TRAPPC9: variants seen among roughly 807,000 people sequenced by gnomAD.
TRAPPC9 encodes trafficking protein particle complex subunit 9.
Under a neutral mutation model 124.0 loss-of-function variants are expected in TRAPPC9, and 83 were observed. That is an observed-to-expected ratio of 0.67 (90% CI 0.56 to 0.80). The LOEUF (loss-of-function observed/expected upper bound fraction) is 0.80, where lower values mean the gene tolerates loss of function less well. Among genes scored for constraint, TRAPPC9 ranks in the 30% least tolerant of loss-of-function variants. The pLI, the probability that TRAPPC9 is intolerant of heterozygous loss-of-function variation, is 0.00. For missense variants in TRAPPC9, 1,302 were observed against 1,508.3 expected (o/e 0.86, Z 2.27); for synonymous variants, 638 against 617.5 (o/e 1.03, Z -0.49).
chr8:140,294,117 T>G (rs1428836790), intron 11 of TRAPPC9, among the ~76,000 whole-genome samples: 1 of 151,922 alleles, frequency 6.6e-6, no homozygotes, highest in Non-Finnish European at 1.5e-5. Flanking sequence ...CGAACTCCAG[T>G]CTGTCTCCAA....
chr8:139,981,187 A>G (rs1043926023), intron 19 of TRAPPC9, among the ~76,000 whole-genome samples: 1 of 152,116 alleles, frequency 6.6e-6, no homozygotes, highest in Non-Finnish European at 1.5e-5. Context: ...GGAAAACTGT[A>G]AAAACTGCTC....
chr8:139,998,718 T>C (rs1838201964), intron 18 of TRAPPC9, among the ~76,000 whole-genome samples: 1 of 151,862 alleles, frequency 6.6e-6, no homozygotes, highest in Non-Finnish European at 1.5e-5. Flanking sequence ...CGAGACTCCG[T>C]CTCAAAAAAA....
chr8:140,017,013 T>A (rs1839511601), intron 18 of TRAPPC9, among the ~76,000 whole-genome samples: 1 of 152,314 alleles, frequency 6.6e-6, no homozygotes, highest in African/African-American at 2.4e-5. Context: ...CTAATTGGGG[T>A]TTTAATTCGC....
intron 19 of TRAPPC9, among the ~76,000 whole-genome samples, chr8:139,938,925 G>A (rs113509517): frequency 0.013 from 2,013 of 152,174 alleles, 46 homozygotes; most frequent in African/African-American, 0.046. Flanking sequence ...GATTACAGGC[G>A]TGAGCCACCG....
At chr8:140,091,540 C>A (rs1844566512) in intron 17 of TRAPPC9, among the ~76,000 whole-genome samples, 1 of 152,204 alleles carries the variant, frequency 6.6e-6, no homozygotes, top group Non-Finnish European at 1.5e-5. Context: ...CGCAATGTTA[C>A]TACCAAGGGT....
At chr8:140,178,854 T>C in intron 17 of TRAPPC9, among the ~76,000 whole-genome samples, 1 of 152,140 alleles carries the variant, frequency 6.6e-6, no homozygotes, top group East Asian at 1.9e-4. Flanking sequence ...ATGTGCATCT[T>C]TCAAAATATT....
intron 20 of TRAPPC9, among the ~76,000 whole-genome samples, chr8:139,903,575 C>G (rs1241235926): frequency 6.6e-6 from 1 of 152,178 alleles, no homozygotes; most frequent in Non-Finnish European, 1.5e-5. Context: ...CCCCTGCTTC[C>G]ACAGCAGACG....
chr8:140,065,200 T>C (rs769454517), intron 17 of TRAPPC9, among the ~76,000 whole-genome samples: 2 of 152,246 alleles, frequency 1.3e-5, no homozygotes, highest in Non-Finnish European at 2.9e-5. Context: ...TCTTTAATTC[T>C]ATGAAACATG....
At chr8:140,448,181 G>A (rs2071336037) in intron 2 of TRAPPC9, among the ~76,000 whole-genome samples, 1 of 151,536 alleles carries the variant, frequency 6.6e-6, no homozygotes, top group Non-Finnish European at 1.5e-5. Context: ...GAGAACCATG[G>A]AGAAACAAAA....
intron 21 of TRAPPC9, among the ~76,000 whole-genome samples, chr8:139,735,433 C>T (rs1472462045): frequency 1.3e-5 from 2 of 152,166 alleles, no homozygotes; most frequent in African/African-American, 4.8e-5. Context: ...AGGCTCCAAT[C>T]CATCACCAGC....
chr8:140,083,105 A>G (rs781571836), intron 17 of TRAPPC9, among the ~76,000 whole-genome samples: 25 of 152,276 alleles, frequency 1.6e-4, no homozygotes, highest in Non-Finnish European at 3.1e-4. Flanking sequence ...AAGCAGGAGA[A>G]TCGCTTGAAC....
At chr8:139,759,958 C>T (rs1820109703) in intron 21 of TRAPPC9, among the ~76,000 whole-genome samples, 1 of 152,256 alleles carries the variant, frequency 6.6e-6, no homozygotes, top group East Asian at 1.9e-4. Context: ...GCTGGATGGA[C>T]TCAACTCCCA....
At chr8:139,749,340 G>A (rs1172067503) in intron 21 of TRAPPC9, among the ~76,000 whole-genome samples, 6 of 152,198 alleles carry the variant, frequency 3.9e-5, no homozygotes, top group Non-Finnish European at 8.8e-5. Flanking sequence ...ATGGACAGAC[G>A]ATAAGATGGC....
intron 18 of TRAPPC9, among the ~76,000 whole-genome samples, chr8:140,010,501 A>T (rs892826605): frequency 6.6e-6 from 1 of 152,238 alleles, no homozygotes; most frequent in Non-Finnish European, 1.5e-5. Flanking sequence ...AGATGAATGG[A>T]AAAAGATTAA....
intron 8 of TRAPPC9, among the ~76,000 whole-genome samples, chr8:140,363,277 A>G (rs2068010268): frequency 6.6e-6 from 1 of 152,232 alleles, no homozygotes. Flanking sequence ...TACACACAGC[A>G]CACATCAGTG....
intron 21 of TRAPPC9, among the ~76,000 whole-genome samples, chr8:139,823,859 G>A (rs1825436859): frequency 6.6e-6 from 1 of 152,184 alleles, no homozygotes; most frequent in Admixed American, 6.5e-5. Context: ...GCCACATGAT[G>A]GTGTTCAAGC....
intron 5 of TRAPPC9, among the ~76,000 whole-genome samples, chr8:140,410,213 G>GTTTTGA (rs1341980475): frequency 2.0e-5 from 3 of 146,980 alleles, no homozygotes; most frequent in African/African-American, 5.0e-5. Context: ...TTTTTATATA[G>GTTTTGA]TTTTGATTTT....
intron 11 of TRAPPC9, among the ~76,000 whole-genome samples, chr8:140,293,792 C>T (rs2065730627): frequency 6.6e-6 from 1 of 152,008 alleles, no homozygotes; most frequent in African/African-American, 2.4e-5. Context: ...GTGCAGCGCA[C>T]CAGCATGGCA....
intron 8 of TRAPPC9, among the ~76,000 whole-genome samples, chr8:140,366,598 C>T (rs1280286457): frequency 6.6e-6 from 1 of 152,148 alleles, no homozygotes; most frequent in Admixed American, 6.5e-5. Context: ...AACCCAAATG[C>T]AGGATGAGAA....
Sources: gnomAD v4.1 joint callset for allele counts (sites outside exome capture counted in the v4.1 genomes callset) on GRCh38, gnomAD v4.1.1 for gene constraint, MANE v1.5 for transcripts, NCBI Gene and HGNC (gene_info 2026-07-23, HGNC 2026-07-21) for gene names.